The following C12orf42 variants were observed in gnomAD, a reference collection of about 807,000 sequenced individuals.
C12orf42 encodes uncharacterized protein C12orf42.
A neutral mutation model predicts 21.6 loss-of-function variants in C12orf42; 25 were observed. The ratio of observed to expected loss-of-function variants is 1.16; its 90% CI spans 0.84 to 1.62. The LOEUF is 1.62. Among genes scored for constraint, C12orf42 ranks in the 40% most tolerant of loss-of-function variants. The pLI, the probability that C12orf42 is intolerant of heterozygous loss-of-function variation, is 0.00. For missense variants in C12orf42, 483 were observed against 459.3 expected, an observed-to-expected ratio of 1.05 and a Z score of -0.47; for synonymous variants, 174 against 175.0, an observed-to-expected ratio of 0.99 and a Z score of 0.05.
intron 2 of C12orf42, among the ~76,000 whole-genome samples, chr12:103,450,153 G>A (rs992752600): frequency 1.3e-5 from 2 of 152,098 alleles, no homozygotes; most frequent in Middle Eastern, 3.4e-3. Context: ...ATCTATTAGT[G>A]TGGTAAATGA....
chr12:103,558,216 A>G, the C12orf42 span: 2 of 152,166 alleles, frequency 1.3e-5, no homozygotes, highest in Non-Finnish European at 2.9e-5. Context: ...CTTCCAATCT[A>G]TTATTTCATA....
intron 4 of C12orf42, among the ~76,000 whole-genome samples, chr12:103,286,045 G>A (rs577418054): frequency 1.3e-5 from 2 of 151,992 alleles, no homozygotes; most frequent in African/African-American, 4.8e-5. Flanking sequence ...TCAGGAGATC[G>A]GGACCATTCT....
chr12:103,286,495 C>T (rs1000961190), intron 4 of C12orf42, among the ~76,000 whole-genome samples: 7 of 151,112 alleles, frequency 4.6e-5, no homozygotes, highest in African/African-American at 1.5e-4. Flanking sequence ...TCATAGTAAC[C>T]GACTCAGACT....
chr12:103,424,750 CA>C (rs1357850722), intron 2 of C12orf42, among the ~76,000 whole-genome samples: 1 of 152,200 alleles, frequency 6.6e-6, no homozygotes, highest in Non-Finnish European at 1.5e-5. Context: ...GCCGTTTGGG[CA>C]AACACCGAGC....
the C12orf42 span, among the ~76,000 whole-genome samples, chr12:103,089,176 G>A: frequency 6.7e-6 from 1 of 148,536 alleles, no homozygotes; most frequent in East Asian, 2.0e-4. Context: ...AGATCTTTTG[G>A]CCCTAAACAA....
intron 4 of C12orf42, among the ~76,000 whole-genome samples, chr12:103,333,120 A>G (rs1566096369): frequency 6.6e-6 from 1 of 152,224 alleles, no homozygotes; most frequent in Non-Finnish European, 1.5e-5. Flanking sequence ...CAGGTTCTAC[A>G]TCTCATTACC....
At chr12:103,390,010 A>G (rs1316848470) in intron 3 of C12orf42, among the ~76,000 whole-genome samples, 2 of 152,106 alleles carry the variant, frequency 1.3e-5, no homozygotes, top group East Asian at 1.9e-4. Flanking sequence ...TTGTAAGATC[A>G]TTTTGCTAGG....
At chr12:103,248,398 A>C (rs1223902185) in intron 10 of C12orf42, among the ~76,000 whole-genome samples, 1 of 152,084 alleles carries the variant, frequency 6.6e-6, no homozygotes, top group Non-Finnish European at 1.5e-5. Context: ...ATTTGACTTA[A>C]ACTCTAAAGC....
In C12orf42 at chr12:103,481,508, T is replaced by C. The variant is rs11111603; in HGVS notation, c.-21-3061A>G. 0.013 allele frequency among the ~76,000 whole-genome samples: 1,945 copies of C among 152,100 alleles called. 217 individuals are homozygous for C. In the East Asian group the frequency reaches 0.26, roughly 20 times the overall value. On this transcript the variant is annotated intron_variant, in intron 1 of 5. Coordinates refer to ENST00000548883, the MANE Select transcript of C12orf42 (RefSeq NM_198521.5). ...CAGAAGTCGAATGCTGAAGACATTC[T>C]TTCTAAATTCTTTTTTTATTGGTAT...
At position 103,453,327 on chromosome 12, in the gene C12orf42, G is replaced by A. The variant is rs543348856; in HGVS notation, c.78+25022C>T. On this transcript the variant is annotated intron_variant, in intron 2 of 5. Coordinates refer to ENST00000548883, the MANE Select transcript of C12orf42 (RefSeq NM_198521.5). The stretch of plus-strand genomic sequence containing the variant: ...ATTCTAGAATTTTTTCATTCTACCA[G>A]TTTTCAAATTTATTAACATAAAGTT... Among the ~76,000 whole-genome samples, 101 of 151,728 alleles carry A rather than the reference G, an allele frequency of 6.7e-4. 3 individuals are homozygous for A. Among genetic ancestry groups the A allele is most frequent in the African/African-American group, 2.4e-3 (98 of 41,440 alleles).
chr12:103,174,719 C>G, the C12orf42 span, among the ~76,000 whole-genome samples: 1 of 152,098 alleles, frequency 6.6e-6, no homozygotes, highest in Non-Finnish European at 1.5e-5. Context: ...TTTTCTATCT[C>G]AAAACTAGAA....
chr12:103,540,305 C>T, the C12orf42 span, among the ~76,000 whole-genome samples: 1 of 152,098 alleles, frequency 6.6e-6, no homozygotes, highest in South Asian at 2.1e-4. Flanking sequence ...CGCGCCCGGC[C>T]GAGGTCATGT....
the C12orf42 span, among the ~76,000 whole-genome samples, chr12:103,557,064 CT>C: frequency 2.0e-5 from 3 of 152,234 alleles, no homozygotes; most frequent in South Asian, 6.2e-4. Flanking sequence ...ATTTGCTTTC[CT>C]TTAAGCCACT....
At chr12:103,354,212 A>G (rs533056522) in intron 4 of C12orf42, among the ~76,000 whole-genome samples, 1 of 152,274 alleles carries the variant, frequency 6.6e-6, no homozygotes, top group South Asian at 2.1e-4. Context: ...AGTCCAGTAG[A>G]ATGATGGTGT....
the C12orf42 span, among the ~76,000 whole-genome samples, chr12:103,209,936 T>C: frequency 2.6e-5 from 4 of 152,226 alleles, no homozygotes; most frequent in Non-Finnish European, 5.9e-5. Flanking sequence ...ACACATAGTT[T>C]AATAAGATAA....
chr12:103,127,561 T>C, the C12orf42 span, among the ~76,000 whole-genome samples: 1 of 151,792 alleles, frequency 6.6e-6, no homozygotes, highest in Non-Finnish European at 1.5e-5. Context: ...GGGAGAGAGA[T>C]TGATCATCAC....
chr12:103,048,290 T>A, the C12orf42 span, among the ~76,000 whole-genome samples: 1 of 152,180 alleles, frequency 6.6e-6, no homozygotes. Flanking sequence ...ATGATGTAGT[T>A]GAAGGAATTA....
At chr12:103,376,093 C>T (rs943038468) in intron 3 of C12orf42, among the ~76,000 whole-genome samples, 4 of 152,092 alleles carry the variant, frequency 2.6e-5, no homozygotes, top group Non-Finnish European at 1.5e-5. Flanking sequence ...TGAAAATTTC[C>T]GTCTTACTTA....
chr12:103,253,746 C>T (rs547515627), intron 10 of C12orf42, among the ~76,000 whole-genome samples: 2 of 152,054 alleles, frequency 1.3e-5, no homozygotes, highest in Non-Finnish European at 2.9e-5. Context: ...ACCTTATGCC[C>T]CTCAGTCAAA....
Sources: allele counts gnomAD v4.1 joint callset (sites outside exome capture counted in the v4.1 genomes callset), GRCh38; gene constraint gnomAD v4.1.1; transcripts MANE v1.5; gene names NCBI Gene and HGNC (gene_info 2026-07-23, HGNC 2026-07-21).